ZFP1: variants seen among roughly 807,000 people sequenced by gnomAD.
The protein encoded by ZFP1 is zinc finger protein 1 homolog.
ZFP1 carries 32 observed loss-of-function variants against 38.5 expected under a neutral mutation model. The ratio of observed to expected loss-of-function variants is 0.83; its 90% CI spans 0.63 to 1.12. The LOEUF is 1.12. Among genes scored for constraint, ZFP1 ranks in the 50% most tolerant of loss-of-function variants. The pLI is 0.00. For synonymous variants in ZFP1, 245 were observed against 168.8 expected, an observed-to-expected ratio of 1.45 and a Z score of -3.50; for missense variants, 616 against 480.8, an observed-to-expected ratio of 1.28 and a Z score of -2.63.
chr16:75,150,956 G>A (rs759765604), intron 1 of ZFP1, among the ~76,000 whole-genome samples: 8 of 151,978 alleles, frequency 5.3e-5, no homozygotes, highest in African/African-American at 1.2e-4. Context: ...GCAGGTGTGC[G>A]CCCTAATCCT....
chr16:75,134,485 G>A, the ZFP1 span, among the ~76,000 whole-genome samples: 5 of 152,176 alleles, frequency 3.3e-5, no homozygotes, highest in South Asian at 4.1e-4. Context: ...GGCTGGGCGC[G>A]GTGGCTCACA....
At chr16:75,158,360 A>G (rs1251146260) in intron 2 of ZFP1, among the ~76,000 whole-genome samples, 1 of 142,720 alleles carries the variant, frequency 7.0e-6, no homozygotes, top group Admixed American at 7.0e-5. Flanking sequence ...AATTTTTTTT[A>G]TTTTTTGAGA....
chr16:75,164,102 C>T (rs192184662), intron 2 of ZFP1, among the ~76,000 whole-genome samples: 1 of 152,222 alleles, frequency 6.6e-6, no homozygotes, highest in Admixed American at 6.5e-5. Flanking sequence ...TATTGATGTT[C>T]CTGTGGACAG....
the ZFP1 span, among the ~76,000 whole-genome samples, chr16:75,140,896 T>C: frequency 2.0e-5 from 3 of 151,878 alleles, no homozygotes; most frequent in Non-Finnish European, 4.4e-5. Flanking sequence ...GAGGCGGAGC[T>C]TGCAGTGAGC....
rs114347224 is a variant in ZFP1, at chr16:75,165,855, G to T, written c.16-915G>T. Among the ~76,000 whole-genome samples the T allele has an allele frequency of 4.2e-3, 644 of 152,174 alleles. 4 individuals carry two copies. Among genetic ancestry groups the T allele is most frequent in the African/African-American group, 0.015 (620 of 41,540 alleles). On this transcript the variant is annotated intron_variant, in intron 2 of 3. Transcript: ENST00000570010. ...CACTGCCTCTGCTGGGACTCCTGCT[G>T]CAAGTATATTAGACCTTTTTAGCTT...
At chr16:75,159,762 T>C (rs1201700100) in intron 2 of ZFP1, among the ~76,000 whole-genome samples, 1 of 152,220 alleles carries the variant, frequency 6.6e-6, no homozygotes, top group Non-Finnish European at 1.5e-5. Flanking sequence ...ATATGTTGTA[T>C]GATACATAGC....
chr16:75,143,093 T>C, the ZFP1 span, among the ~76,000 whole-genome samples: 1 of 152,108 alleles, frequency 6.6e-6, no homozygotes, highest in South Asian at 2.1e-4. Flanking sequence ...GTTAGGAAAA[T>C]CCAGACCATA....
chr16:75,122,364 G>A, the ZFP1 span, among the ~76,000 whole-genome samples: 2 of 152,332 alleles, frequency 1.3e-5, no homozygotes, highest in East Asian at 3.8e-4. Context: ...AGTTGGCTCA[G>A]GATGAATCAG....
chr16:75,156,274 C>T lies in ZFP1; in HGVS notation c.15+3308C>T, dbSNP rs183458109. On this transcript the variant is annotated intron_variant, in intron 2 of 3. Transcript: ENST00000570010. ...ATCGAGACCAGCCTGGCCAACATGG[C>T]GAAACCCTGTCTTTACTAAAAATAC... 2.9e-3 allele frequency among the ~76,000 whole-genome samples: 434 copies of T among 151,994 alleles called. 4 individuals are homozygous for T. The highest frequency in any genetic ancestry group is 0.01 in the African/African-American group (420 of 41,454).
chr16:75,119,480 A>C, the ZFP1 span: 3 of 151,822 alleles, frequency 2.0e-5, no homozygotes, highest in East Asian at 1.9e-4. Context: ...AAGGCAGGTA[A>C]CTCCTTTATG....
At chr16:75,133,685 C>T in the ZFP1 span, among the ~76,000 whole-genome samples, 7 of 152,182 alleles carry the variant, frequency 4.6e-5, no homozygotes, top group African/African-American at 9.7e-5. Context: ...TGATTGGATT[C>T]AGATTCCGCT....
At chr16:75,148,122 A>G (rs2036980002), upstream of ZFP1, among the ~76,000 whole-genome samples, 1 of 152,230 alleles carries the variant, frequency 6.6e-6, no homozygotes, top group Non-Finnish European at 1.5e-5. Flanking sequence ...TAACAACAAC[A>G]AAAAAATCAA....
chr16:75,167,708 T>TA (rs1388725317), intron 3 of ZFP1, among the ~76,000 whole-genome samples: 3 of 152,122 alleles, frequency 2.0e-5, no homozygotes, highest in Non-Finnish European at 4.4e-5. Context: ...CAAGTAGTCT[T>TA]CCCACCTCAG....
chr16:75,167,845 C>T (rs547040830), intron 3 of ZFP1, among the ~76,000 whole-genome samples: 1 of 152,142 alleles, frequency 6.6e-6, no homozygotes, highest in African/African-American at 2.4e-5. Context: ...GCTTATAATC[C>T]TAGCATTTTG....
rs138454251 is a variant in ZFP1 at position 75,169,511 on chromosome 16, G to A, written c.401G>A (p.Cys134Tyr). ...RSYAGKQTDECNEFGKALLYL... is the reference protein window; with the variant it reads ...RSYAGKQTDEYNEFGKALLYL... ...TATGCAGGAAAGCAGACTGATGAGT[G>A]TAATGAATTTGGAAAAGCACTTCTC... The change falls in exon 4 of 4, where the codon TGT (cysteine) becomes TAT (tyrosine). Residue 134 changes from cysteine to tyrosine, a missense_variant. Cys to Tyr is a radical substitution (Grantham distance 194). Transcript: ENST00000570010. 1.2e-6 allele frequency: 2 copies of A among 1,613,248 alleles called. No homozygotes were observed. Among genetic ancestry groups the A allele is most frequent in the East Asian group, 2.2e-5 (1 of 44,870 alleles).
In ZFP1 at chr16:75,170,120, C is replaced by T; in HGVS notation, c.1010C>T (p.Ser337Leu). Reference sequence around the variant, plus strand: ...TGTGGAAAATCCTTTATCCAGAACTCACAGCTCATCATACACATGAGAACT... The same window carrying T: ...TGTGGAAAATCCTTTATCCAGAACTTACAGCTCATCATACACATGAGAACT... The part of the protein sequence containing the change: ...SECGKSFIQN[S>L]QLIIHMRTHT... The change falls in exon 4 of 4, where the codon TCA (serine) becomes TTA (leucine). Residue 337 changes from serine to leucine, a missense_variant. Transcript: ENST00000570010. 1 of 1,614,038 alleles carries T rather than the reference C, an allele frequency of 6.2e-7. No individual in the cohort carries two copies. The highest frequency in any genetic ancestry group is 2.2e-5 in the East Asian group (1 of 44,890).
At chr16:75,146,742 G>A (rs113553215), upstream of ZFP1, among the ~76,000 whole-genome samples, 941 of 152,034 alleles carry the variant, frequency 6.2e-3, 12 homozygotes, top group African/African-American at 0.021. Flanking sequence ...AGTTTGAGAC[G>A]AGCCTGGGCA....
At chr16:75,150,383 ATTTTTTTTTG>A (rs2037135286) in intron 1 of ZFP1, among the ~76,000 whole-genome samples, 1 of 149,148 alleles carries the variant, frequency 6.7e-6, no homozygotes. Flanking sequence ...TAATTTTTTT[ATTTTTTTTTG>A]TATTTTTAGT....
the ZFP1 span, among the ~76,000 whole-genome samples, chr16:75,141,325 C>T: frequency 2.6e-5 from 4 of 151,320 alleles, no homozygotes; most frequent in African/African-American, 9.7e-5. Flanking sequence ...GCCTCAGCCT[C>T]CCGAGTAGCT....
Sources: gnomAD v4.1 joint callset for allele counts (sites outside exome capture counted in the v4.1 genomes callset) on GRCh38, gnomAD v4.1.1 for gene constraint, MANE v1.5 for transcripts, NCBI Gene and HGNC (gene_info 2026-07-23, HGNC 2026-07-21) for gene names.